The following ZNF385B variants were observed in gnomAD, a reference collection of about 807,000 sequenced individuals.
ZNF385B encodes the protein zinc finger protein 385B.
A neutral mutation model predicts 39.2 loss-of-function variants in ZNF385B; 23 were observed. The ratio of observed to expected loss-of-function variants is 0.59; its 90% CI spans 0.42 to 0.83. The LOEUF is 0.83. Among genes scored for constraint, ZNF385B ranks in the 40% least tolerant of loss-of-function variants. The probability of loss-of-function intolerance (pLI) is 0.00; values close to 1 mark genes in which losing one functional copy is unlikely to be tolerated. For missense variants in ZNF385B, 552 were observed against 598.9 expected (o/e 0.92, Z 0.82); for synonymous variants, 205 against 222.6 (o/e 0.92, Z 0.70).
At chr2:179,566,725 A>G (rs923565502) in intron 3 of ZNF385B, among the ~76,000 whole-genome samples, 1 of 152,050 alleles carries the variant, frequency 6.6e-6, no homozygotes, top group Non-Finnish European at 1.5e-5. Flanking sequence ...TATAGTTTTG[A>G]TGTCTTCACT....
At chr2:179,859,029 C>G (rs1472698657) in intron 1 of ZNF385B, among the ~76,000 whole-genome samples, 2 of 151,614 alleles carry the variant, frequency 1.3e-5, no homozygotes, top group African/African-American at 4.8e-5. Context: ...AGGCATTTCA[C>G]CTTTCAGAAT....
chr2:179,521,167 GTTTTTTTTGTTT>G (rs1333474159), intron 4 of ZNF385B, among the ~76,000 whole-genome samples: 5 of 97,892 alleles, frequency 5.1e-5, no homozygotes, highest in African/African-American at 1.1e-4. Flanking sequence ...TCCTAATACA[GTTTTTTTTGTTT>G]TTGTTTTTGT....
chr2:179,739,577 C>A (rs1160769190), intron 3 of ZNF385B, among the ~76,000 whole-genome samples: 5 of 152,152 alleles, frequency 3.3e-5, no homozygotes, highest in Non-Finnish European at 7.4e-5. Context: ...TCAGTTGAAG[C>A]TTTTTACAGC....
chr2:179,751,517 C>T (rs1368297972), intron 3 of ZNF385B, among the ~76,000 whole-genome samples: 1 of 152,000 alleles, frequency 6.6e-6, no homozygotes, highest in Non-Finnish European at 1.5e-5. Context: ...ATAAATCTGG[C>T]CTATGTATTT....
intron 1 of ZNF385B, among the ~76,000 whole-genome samples, chr2:179,845,977 G>A: frequency 6.6e-6 from 1 of 152,176 alleles, no homozygotes; most frequent in East Asian, 1.9e-4. Context: ...GGACGTTTCA[G>A]AGATTCTCTC....
intron 3 of ZNF385B, among the ~76,000 whole-genome samples, chr2:179,588,019 G>T (rs1687226602): frequency 6.6e-6 from 1 of 152,136 alleles, no homozygotes; most frequent in Non-Finnish European, 1.5e-5. Flanking sequence ...GTGAAAAAAT[G>T]AGGGCCATTT....
At chr2:179,614,190 C>T (rs1437281982) in intron 3 of ZNF385B, among the ~76,000 whole-genome samples, 1 of 151,296 alleles carries the variant, frequency 6.6e-6, no homozygotes, top group East Asian at 1.9e-4. Flanking sequence ...GTGATCACTC[C>T]CCGGATTTTT....
At chr2:179,446,802 C>A in intron 6 of ZNF385B, 32 bp from the exon 7 acceptor site, 2 of 1,558,154 alleles carry the variant, frequency 1.3e-6, no homozygotes, top group South Asian at 1.2e-5. Context: ...CTTATTGAAG[C>A]CTCATATATC....
At position 179,762,169 on chromosome 2, in the gene ZNF385B, T is replaced by C. The variant is rs563130622; in HGVS notation, c.298+7334A>G. Reference sequence around the variant, plus strand: ...CATGTGACTTCTCTTCTTTAGCTTGTTGATATGGTAGATTTTTTTGTTTTT... The same window carrying C: ...CATGTGACTTCTCTTCTTTAGCTTGCTGATATGGTAGATTTTTTTGTTTTT... On this transcript the variant is annotated intron_variant, in intron 3 of 9. Coordinates refer to ENST00000410066, the MANE Select transcript of ZNF385B (RefSeq NM_152520.6). Among the ~76,000 whole-genome samples the C allele has an allele frequency of 2.2e-3, 334 of 152,106 alleles. 1 individual carries two copies. The highest frequency in any genetic ancestry group is 0.017 in the South Asian group (83 of 4,816).
At chr2:179,600,692 C>T (rs371507967) in intron 3 of ZNF385B, among the ~76,000 whole-genome samples, 2 of 152,154 alleles carry the variant, frequency 1.3e-5, no homozygotes, top group Non-Finnish European at 1.5e-5. Flanking sequence ...AGTTGCTTAA[C>T]AGAGCTAAAG....
At chr2:179,735,185 GA>G (rs1293980790) in intron 3 of ZNF385B, among the ~76,000 whole-genome samples, 3 of 151,274 alleles carry the variant, frequency 2.0e-5, no homozygotes, top group Non-Finnish European at 4.4e-5. Flanking sequence ...AAATTTACAA[GA>G]AAAAAACAAA....
intron 1 of ZNF385B, among the ~76,000 whole-genome samples, chr2:179,845,698 T>G (rs1279051230): frequency 6.6e-6 from 1 of 152,256 alleles, no homozygotes; most frequent in Non-Finnish European, 1.5e-5. Flanking sequence ...ATGGTCACGA[T>G]AGGAAACTGG....
intron 3 of ZNF385B, among the ~76,000 whole-genome samples, chr2:179,728,945 C>G (rs1047902407): frequency 2.0e-5 from 3 of 151,850 alleles, no homozygotes; most frequent in Non-Finnish European, 4.4e-5. Flanking sequence ...ATCCAACTCC[C>G]AAAGTAATGT....
chr2:179,675,678 A>T (rs568991144), intron 3 of ZNF385B, among the ~76,000 whole-genome samples: 1 of 152,262 alleles, frequency 6.6e-6, no homozygotes, highest in African/African-American at 2.4e-5. Context: ...CTGGTATGAG[A>T]AAGTGGGTTG....
At chr2:179,852,814 C>G (rs1023831179) in intron 1 of ZNF385B, among the ~76,000 whole-genome samples, 5 of 152,180 alleles carry the variant, frequency 3.3e-5, no homozygotes, top group Non-Finnish European at 7.3e-5. Flanking sequence ...AGGGTTAATT[C>G]CATGAATCTG....
At chr2:179,638,517 T>C (rs961875517) in intron 3 of ZNF385B, among the ~76,000 whole-genome samples, 5 of 152,166 alleles carry the variant, frequency 3.3e-5, no homozygotes, top group African/African-American at 1.2e-4. Flanking sequence ...GATTCTTACT[T>C]GGGAGAATGG....
intron 2 of ZNF385B, among the ~76,000 whole-genome samples, 153 bp downstream of exon 2, chr2:179,770,368 T>A (rs1222236627): frequency 6.6e-6 from 1 of 152,190 alleles, no homozygotes; most frequent in East Asian, 1.9e-4. Context: ...AAGAAAGGAA[T>A]AAATGATGTC....
chr2:179,724,297 A>G (rs1444179125), intron 3 of ZNF385B, among the ~76,000 whole-genome samples: 3 of 152,214 alleles, frequency 2.0e-5, no homozygotes, highest in African/African-American at 7.2e-5. Context: ...TGACAGAGCA[A>G]GACTCCATCT....
At chr2:179,473,596 C>T (rs149868183) in intron 6 of ZNF385B, among the ~76,000 whole-genome samples, 2,648 of 152,206 alleles carry the variant, frequency 0.017, 43 homozygotes, top group Middle Eastern at 0.048. Context: ...CATAGGTATA[C>T]CTGTGCCATG....
Sources: gnomAD v4.1 joint callset for allele counts (sites outside exome capture counted in the v4.1 genomes callset) on GRCh38, gnomAD v4.1.1 for gene constraint, MANE v1.5 for transcripts, NCBI Gene and HGNC (gene_info 2026-07-23, HGNC 2026-07-21) for gene names.